Variants in SV2C observed in about 807,000 individuals in gnomAD.
SV2C encodes the protein synaptic vesicle glycoprotein 2C.
SV2C carries 49 observed loss-of-function variants against 79.7 expected under a neutral mutation model. That is an observed-to-expected ratio of 0.61 (90% CI 0.49 to 0.78). The LOEUF (loss-of-function observed/expected upper bound fraction) is 0.78, where lower values mean the gene tolerates loss of function less well. Ranked by LOEUF, SV2C falls within the 30% of genes least tolerant of loss-of-function variation. The probability of loss-of-function intolerance (pLI) is 0.00; values close to 1 mark genes in which losing one functional copy is unlikely to be tolerated. For missense variants in SV2C, 833 were observed against 912.9 expected, an observed-to-expected ratio of 0.91 and a Z score of 1.13; for synonymous variants, 334 against 333.2, an observed-to-expected ratio of 1.00 and a Z score of -0.03.
At chr5:75,892,645 C>A in the SV2C span, among the ~76,000 whole-genome samples, 1 of 152,086 alleles carries the variant, frequency 6.6e-6, no homozygotes. Flanking sequence ...CCATGTGTAC[C>A]CATTGTTTAG....
chr5:76,346,809 C>T (rs1749552673), intron 12 of SV2C, among the ~76,000 whole-genome samples: 1 of 152,126 alleles, frequency 6.6e-6, no homozygotes, highest in Admixed American at 6.5e-5. Flanking sequence ...GTGATCTGGC[C>T]CCTGCCTCCC....
intron 2 of SV2C, among the ~76,000 whole-genome samples, chr5:76,177,017 A>G (rs1198536012): frequency 2.0e-5 from 3 of 151,554 alleles, no homozygotes; most frequent in Non-Finnish European, 4.4e-5. Flanking sequence ...CGGGAGGCTG[A>G]GGCAGGAGAA....
At chr5:76,037,881 A>C in the SV2C span, among the ~76,000 whole-genome samples, 4 of 152,204 alleles carry the variant, frequency 2.6e-5, no homozygotes, top group Non-Finnish European at 5.9e-5. Context: ...CTGCTGTGCT[A>C]GCAATCAGTG....
the SV2C span, among the ~76,000 whole-genome samples, chr5:75,923,122 C>T: frequency 6.6e-6 from 1 of 152,138 alleles, no homozygotes; most frequent in African/African-American, 2.4e-5. Flanking sequence ...CAAATACTTG[C>T]AGCCAACTGA....
At chr5:75,988,776 T>C in the SV2C span, among the ~76,000 whole-genome samples, 1 of 151,888 alleles carries the variant, frequency 6.6e-6, no homozygotes, top group Admixed American at 6.6e-5. Context: ...TGAAGGCAAT[T>C]AAGAAGCAGC....
chr5:76,029,167 T>C, the SV2C span, among the ~76,000 whole-genome samples: 53,828 of 152,140 alleles, frequency 0.35, 11,966 homozygotes, highest in African/African-American at 0.61. Context: ...TATGTATACA[T>C]TGTAGATTGA....
chr5:76,185,692 C>A (rs968878164), intron 2 of SV2C, among the ~76,000 whole-genome samples: 1 of 152,228 alleles, frequency 6.6e-6, no homozygotes, highest in African/African-American at 2.4e-5. Context: ...TCCAAGGCTG[C>A]ATAGCAGCCG....
the SV2C span, among the ~76,000 whole-genome samples, chr5:75,923,595 G>A: frequency 9.9e-5 from 15 of 152,044 alleles, no homozygotes; most frequent in South Asian, 1.7e-3. Context: ...ATCTAAAAGC[G>A]GGCAAATGAC....
intron 3 of SV2C, among the ~76,000 whole-genome samples, chr5:76,196,714 G>A (rs28396489): frequency 0.13 from 19,522 of 152,146 alleles, 1,316 homozygotes; most frequent in African/African-American, 0.15. Context: ...CAGCATAAGC[G>A]CTGAATTTTC....
chr5:75,886,326 A>G, the SV2C span, among the ~76,000 whole-genome samples: 15 of 152,094 alleles, frequency 9.9e-5, no homozygotes, highest in Admixed American at 1.3e-4. Flanking sequence ...GCTGTCTTTT[A>G]CGTTCCCCTT....
chr5:76,055,954 T>C, the SV2C span, among the ~76,000 whole-genome samples: 1 of 152,310 alleles, frequency 6.6e-6, no homozygotes, highest in East Asian at 1.9e-4. Context: ...CAGAGACAAT[T>C]TGACTTCCTC....
Position 76,291,772 on chromosome 5 carries a change from G to T in SV2C, c.1253G>T (p.Trp418Leu), listed in dbSNP as rs780578869. Residue 418 changes from tryptophan to leucine, a missense_variant, in exon 8 of 13, where the codon TGG (tryptophan) becomes TTG (leucine). Transcript: ENST00000502798. Reference protein sequence around the residue: ...VRIRTELYGIWLTFMRCFNYP... With the variant: ...VRIRTELYGILLTFMRCFNYP... The stretch of plus-strand genomic sequence containing the variant: ...TAACTCTCTAATATTTCACAGATTT[G>T]GTTGACTTTTATGAGATGTTTCAAC... 1 of 1,606,494 alleles carries T rather than the reference G, an allele frequency of 6.2e-7. No individual in the cohort carries two copies. The highest frequency in any genetic ancestry group is 1.1e-5 in the South Asian group (1 of 90,086).
the SV2C span, among the ~76,000 whole-genome samples, chr5:75,979,887 C>A: frequency 6.6e-6 from 1 of 152,058 alleles, no homozygotes; most frequent in Non-Finnish European, 1.5e-5. Flanking sequence ...CAGAGCTGAA[C>A]TGAAGGAGAT....
At chr5:75,852,848 AAAG>A in the SV2C span, among the ~76,000 whole-genome samples, 1 of 132,254 alleles carries the variant, frequency 7.6e-6, no homozygotes, top group African/African-American at 3.7e-5. Flanking sequence ...AAAAAAGAAA[AAAG>A]AAAAAAAACT....
rs144080373 is a variant in SV2C at position 76,201,173 on chromosome 5, C to T, written c.761+6074C>T. 1.6e-4 allele frequency among the ~76,000 whole-genome samples: 24 copies of T among 152,344 alleles called. 1 individual carries two copies. In the South Asian group the frequency reaches 4.4e-3, roughly 28 times the overall value. On this transcript the variant is annotated intron_variant, in intron 3 of 12. Coordinates refer to ENST00000502798, the MANE Select transcript of SV2C (RefSeq NM_014979.4). Reference sequence around the variant, plus strand: ...AGGAGGACTAGGACATCACCAATTACTCATCTGTCTATCACTTTCCTAAAC... The same window carrying T: ...AGGAGGACTAGGACATCACCAATTATTCATCTGTCTATCACTTTCCTAAAC...
At chr5:75,998,363 T>C in the SV2C span, among the ~76,000 whole-genome samples, 1 of 151,864 alleles carries the variant, frequency 6.6e-6, no homozygotes, top group Non-Finnish European at 1.5e-5. Context: ...AAAAGTCCCA[T>C]GGGTAGTAGA....
At chr5:76,107,200 A>G (rs1000238250) in intron 1 of SV2C, among the ~76,000 whole-genome samples, 9 of 152,250 alleles carry the variant, frequency 5.9e-5, no homozygotes, top group African/African-American at 1.7e-4. Context: ...GTGATTAACA[A>G]CAAGTCAAAA....
intron 4 of SV2C, among the ~76,000 whole-genome samples, chr5:76,266,053 G>A (rs778248081): frequency 2.0e-5 from 3 of 152,106 alleles, no homozygotes; most frequent in South Asian, 2.1e-4. Context: ...GGGTGTGCCC[G>A]GAAGGACTCT....
At chr5:76,150,509 G>C (rs1749569562) in intron 2 of SV2C, among the ~76,000 whole-genome samples, 1 of 151,782 alleles carries the variant, frequency 6.6e-6, no homozygotes, top group African/African-American at 2.4e-5. Context: ...GTTATGAGAT[G>C]AGCAGAGGTT....
Sources: allele counts gnomAD v4.1 joint callset (sites outside exome capture counted in the v4.1 genomes callset), GRCh38; gene constraint gnomAD v4.1.1; transcripts MANE v1.5; gene names NCBI Gene and HGNC (gene_info 2026-07-23, HGNC 2026-07-21).